Variants in IYD observed in about 807,000 individuals in gnomAD.
IYD encodes the protein iodotyrosine deiodinase 1.
In IYD, 25 loss-of-function variants were observed where a neutral mutation model predicts 28.4. The ratio of observed to expected loss-of-function variants is 0.88; its 90% CI spans 0.64 to 1.23. The LOEUF (loss-of-function observed/expected upper bound fraction) is 1.23. Ranked by LOEUF, IYD falls within the 50% of genes most tolerant of loss-of-function variation. The pLI is 0.00. For synonymous variants in IYD, 140 were observed against 130.8 expected, an observed-to-expected ratio of 1.07 and a Z score of -0.48; for missense variants, 352 against 357.9, an observed-to-expected ratio of 0.98 and a Z score of 0.13.
chr6:150,382,396 A>C (rs986520825), intron 1 of IYD, among the ~76,000 whole-genome samples: 14 of 152,194 alleles, frequency 9.2e-5, no homozygotes, highest in African/African-American at 3.1e-4. Context: ...TCAGTCTCTG[A>C]GTCAGCTTCT....
At chr6:150,390,794 C>G (rs146891212) in intron 2 of IYD, among the ~76,000 whole-genome samples, 2 of 152,152 alleles carry the variant, frequency 1.3e-5, no homozygotes, top group Non-Finnish European at 2.9e-5. Context: ...CAGAATCCCA[C>G]AGGAATTGAG....
chr6:150,391,032 A>T (rs1221608386), intron 2 of IYD, among the ~76,000 whole-genome samples: 1 of 152,090 alleles, frequency 6.6e-6, no homozygotes. Flanking sequence ...AGGTCAAGAG[A>T]TTGAAACCAT....
intron 1 of IYD, among the ~76,000 whole-genome samples, chr6:150,372,325 G>T (rs1239554076): frequency 1.1e-4 from 15 of 137,250 alleles, no homozygotes; most frequent in African/African-American, 1.3e-4. Flanking sequence ...GTGTGGGTGG[G>T]GTGGGGGGTG....
intron 1 of IYD, chr6:150,370,052 GTGTT>G: frequency 2.8e-6 from 2 of 702,248 alleles, no homozygotes; most frequent in Middle Eastern, 4.6e-4. Flanking sequence ...TGAGCCATCT[GTGTT>G]TGAGAAGCTT....
chr6:150,402,027 T>G lies in IYD; in HGVS notation c.*3790T>G, dbSNP rs982164183. The G allele has an allele frequency of 6.6e-6, 1 of 152,204 alleles. No homozygotes were observed. Among genetic ancestry groups the G allele is most frequent in the African/African-American group, 2.4e-5 (1 of 41,450 alleles). 9.4% of individuals were successfully genotyped at this position (152,204 alleles called of 1,614,324 possible). ...GCTGGGTGGTGCCCAAATGCTCCAG[T>G]TCTAATGTATTCCCAGGTGTTGCTG... On this transcript the variant is annotated 3_prime_UTR_variant, in exon 5 of 5. Coordinates refer to ENST00000344419, the MANE Select transcript of IYD (RefSeq NM_203395.3).
At chr6:150,383,815 C>A (rs66739838) in intron 1 of IYD, among the ~76,000 whole-genome samples, 2,330 of 33,706 alleles carry the variant, frequency 0.069, 44 homozygotes, top group African/African-American at 0.15. Context: ...AAAACAAAAA[C>A]AAAAACAAAA....
chr6:150,381,922 TC>T (rs1374940175), intron 1 of IYD, among the ~76,000 whole-genome samples: 1 of 152,206 alleles, frequency 6.6e-6, no homozygotes, highest in African/African-American at 2.4e-5. Context: ...AGGACTATTA[TC>T]AACTATTTCT....
In IYD at chr6:150,394,242, T is replaced by C; in HGVS notation, c.674T>C (p.Leu225Pro). ...ISVSIACGIL[L>P]AALQNAGLVT... ...GTTTCCATCGCTTGTGGCATCCTGC[T>C]AGCTGCCCTGCAGGTATGTTGAGAC... The change falls in exon 4 of 5, where the codon CTA becomes CCA. Residue 225 changes from leucine to proline, a missense_variant. By Grantham distance (98) the Leu-to-Pro change is moderately conservative. Coordinates refer to ENST00000344419, the MANE Select transcript of IYD (RefSeq NM_203395.3). 2.5e-6 allele frequency: 4 copies of C among 1,614,208 alleles called. No individual in the cohort carries two copies. Among genetic ancestry groups the C allele is most frequent in the Non-Finnish European group, 3.4e-6 (4 of 1,180,022 alleles).
chr6:150,381,880 CT>C (rs887753336), intron 1 of IYD, among the ~76,000 whole-genome samples: 5 of 152,186 alleles, frequency 3.3e-5, no homozygotes, highest in African/African-American at 1.2e-4. Context: ...ATTTATTCTA[CT>C]GTTGATGAAC....
chr6:150,396,630 T>G, intron 4 of IYD: 1 of 471,144 alleles, frequency 2.1e-6, no homozygotes, highest in South Asian at 3.1e-5. Context: ...ATCCCAGCAC[T>G]TTGGGAGGCC....
intron 1 of IYD, among the ~76,000 whole-genome samples, chr6:150,370,218 CGCGT>C (rs1401911157): frequency 7.0e-6 from 1 of 142,182 alleles, no homozygotes; most frequent in East Asian, 2.2e-4. Flanking sequence ...TGTGTGTGTG[CGCGT>C]GCGTGTGTGT....
At chr6:150,380,030 G>C (rs1344725298) in intron 1 of IYD, among the ~76,000 whole-genome samples, 1 of 152,156 alleles carries the variant, frequency 6.6e-6, no homozygotes, top group Non-Finnish European at 1.5e-5. Context: ...TCTTCAGAGA[G>C]TGAGGGAGGA....
At chr6:150,385,492 TAAA>T (rs35069786) in intron 1 of IYD, among the ~76,000 whole-genome samples, 50 of 150,634 alleles carry the variant, frequency 3.3e-4, no homozygotes, top group Admixed American at 8.6e-4. Flanking sequence ...TTTAATGTGA[TAAA>T]AAAAAAAAGA....
At chr6:150,383,542 C>G (rs1270664540) in intron 1 of IYD, among the ~76,000 whole-genome samples, 2 of 152,080 alleles carry the variant, frequency 1.3e-5, no homozygotes, top group Non-Finnish European at 2.9e-5. Context: ...TTTTGGTTTT[C>G]TAGCTTGCGG....
chr6:150,392,142 C>T lies in IYD; in HGVS notation c.371-203C>T, dbSNP rs558047614. The stretch of plus-strand genomic sequence containing the variant: ...CTCCCGAGCTCAAGCAATCCTCCCA[C>T]CTCTACCTCCCAAGCAGCTGGGACT... On this transcript the variant is annotated intron_variant, in intron 2 of 4. Coordinates refer to ENST00000344419, the MANE Select transcript of IYD (RefSeq NM_203395.3). 28 of 197,128 alleles carry T rather than the reference C, an allele frequency of 1.4e-4. No homozygotes were observed. The South Asian group carries it at 4.1e-3, about 29-fold the overall frequency. The allele number at this position is 197,128 out of a possible 1,614,324, so 12.2% of individuals were successfully genotyped here. A position where few individuals can be genotyped will look rare whatever the true frequency, so the allele number is the denominator to read the frequency against.
At chr6:150,387,555 A>C (rs944838867) in intron 1 of IYD, among the ~76,000 whole-genome samples, 32 of 152,066 alleles carry the variant, frequency 2.1e-4, no homozygotes, top group African/African-American at 7.2e-4. Flanking sequence ...TACTCTTTGA[A>C]TCAAATGATC....
At chr6:150,390,671 G>T (rs768475940) in intron 2 of IYD, among the ~76,000 whole-genome samples, 1 of 152,118 alleles carries the variant, frequency 6.6e-6, no homozygotes, top group Admixed American at 6.5e-5. Flanking sequence ...GGAAGGAACA[G>T]TTTCTTCTGA....
At chr6:150,391,594 T>C (rs1014593866) in intron 2 of IYD, among the ~76,000 whole-genome samples, 14 of 152,318 alleles carry the variant, frequency 9.2e-5, no homozygotes, top group Admixed American at 8.5e-4. Context: ...GCTTGATCAT[T>C]GATCAGTTGG....
intron 4 of IYD, among the ~76,000 whole-genome samples, chr6:150,394,582 C>A (rs527931441): frequency 1.3e-5 from 2 of 152,148 alleles, no homozygotes; most frequent in Non-Finnish European, 2.9e-5. Context: ...TCCCTGGATA[C>A]GTTTACTGTT....
Sources: allele counts gnomAD v4.1 joint callset (sites outside exome capture counted in the v4.1 genomes callset), GRCh38; gene constraint gnomAD v4.1.1; transcripts MANE v1.5; gene names NCBI Gene and HGNC (gene_info 2026-07-23, HGNC 2026-07-21).